Variants in C4orf50 observed in about 807,000 individuals in gnomAD.
The protein encoded by C4orf50 is chromosome 4 open reading frame 50.
Under a neutral mutation model 77.2 loss-of-function variants are expected in C4orf50, and 80 were observed. The ratio of observed to expected loss-of-function variants is 1.04; its 90% CI spans 0.87 to 1.25. The LOEUF (loss-of-function observed/expected upper bound fraction) is 1.25, where lower values mean the gene tolerates loss of function less well. C4orf50 is among the 50% of genes most tolerant of loss of function. The pLI is 0.00. For missense variants in C4orf50, 1,257 were observed against 1,152.9 expected, an observed-to-expected ratio of 1.09 and a Z score of -1.31; for synonymous variants, 532 against 465.3, an observed-to-expected ratio of 1.14 and a Z score of -1.84.
chr4:5,979,413 TAATTA>T (rs936215799), intron 29 of C4orf50, among the ~76,000 whole-genome samples: 4 of 152,214 alleles, frequency 2.6e-5, no homozygotes, highest in Admixed American at 6.5e-5. Flanking sequence ...ACAAGATTCT[TAATTA>T]AATGACAAAA....
Position 6,011,861 on chromosome 4 carries a change from A to G in C4orf50, c.395T>C (p.Leu132Pro), listed in dbSNP as rs1024151879. Residue 132 changes from leucine (L) to proline (P), a missense_variant, in exon 24 of 34, where the codon CTG becomes CCG. Transcript: ENST00000531445. The surrounding 1 kb of genome is among the most constrained non-coding windows in gnomAD (Gnocchi z 4.2). ...GGCCAGCTCCCCCTGCAGCGCCGCC[A>G]GCTTCTCCTGGGCCTGGAGCCAGGC... 2 of 399,068 alleles carry G rather than the reference A, an allele frequency of 5.0e-6. No homozygotes were observed. The highest frequency in any genetic ancestry group is 4.4e-6 in the Non-Finnish European group (1 of 226,082). The allele number at this position is 399,068 out of a possible 1,614,324, so 24.7% of individuals were successfully genotyped here.
intron 7 of C4orf50, among the ~76,000 whole-genome samples, chr4:5,950,285 G>A (rs891436144): frequency 2.0e-5 from 3 of 152,146 alleles, no homozygotes; most frequent in East Asian, 3.9e-4. Context: ...TGAAGGAGTC[G>A]TCATTTGTTT....
rs1319649736 is a variant in C4orf50, at chr4:5,970,497, T to G, written c.4105-3035A>C. Among the ~76,000 whole-genome samples the G allele has an allele frequency of 6.6e-6, 1 of 152,052 alleles. No homozygotes were observed. The highest frequency in any genetic ancestry group is 2.1e-4 in the South Asian group (1 of 4,818). Reference sequence around the variant, plus strand: ...CCAGGGCGGATACAAGGGTGACCCATGGACGCTAGTGACCCGGATGGCACA... The same window carrying G: ...CCAGGGCGGATACAAGGGTGACCCAGGGACGCTAGTGACCCGGATGGCACA... On this transcript the variant is annotated intron_variant, in intron 31 of 33. Transcript: ENST00000531445. This position sits in a 1 kb window ranked among gnomAD's most constrained non-coding sequence, Gnocchi z 4.3.
chr4:5,935,849 A>G lies in C4orf50; in HGVS notation c.*2474+21052T>C, dbSNP rs575453221. Among the ~76,000 whole-genome samples the G allele has an allele frequency of 2.8e-4, 43 of 151,456 alleles. No homozygotes were observed. In the South Asian group the frequency reaches 8.8e-3, roughly 31 times the overall value. On this transcript the variant is annotated intron_variant, in intron 7 of 7. Coordinates refer to the C4orf50 transcript ENST00000324058. ...ACATTACAAAACGCCCAAGAAAACA[A>G]TCCTTTATGAATGAAGACATAAGAT...
chr4:5,964,920 G>T, intron 33 of C4orf50, 104 bp downstream of exon 11: 1 of 1,064,402 alleles, frequency 9.4e-7, no homozygotes, highest in Non-Finnish European at 1.4e-6. Context: ...CCTGGTGGTG[G>T]CTTTCTGGGT....
intron 7 of C4orf50, among the ~76,000 whole-genome samples, chr4:5,914,294 T>C (rs1421700485): frequency 1.4e-5 from 2 of 138,750 alleles, no homozygotes; most frequent in Non-Finnish European, 3.0e-5. Flanking sequence ...AACCTCTGCC[T>C]CCCGGGTTCA....
chr4:5,943,906 C>T (rs920623088), intron 7 of C4orf50, among the ~76,000 whole-genome samples: 7 of 152,282 alleles, frequency 4.6e-5, no homozygotes, highest in African/African-American at 1.4e-4. Flanking sequence ...TATCTAGATA[C>T]AAAGATGGAT....
Position 5,916,085 on chromosome 4 carries a change from G to A in C4orf50, c.*2475-17897C>T, listed in dbSNP as rs2108733902. Among the ~76,000 whole-genome samples the A allele has an allele frequency of 6.6e-6, 1 of 152,260 alleles. No individual in the cohort carries two copies. Among genetic ancestry groups the A allele is most frequent in the Middle Eastern group, 3.4e-3 (1 of 294 alleles). On this transcript the variant is annotated intron_variant, in intron 7 of 7. Coordinates refer to the C4orf50 transcript ENST00000324058. This position sits in a 1 kb window ranked among gnomAD's most constrained non-coding sequence, Gnocchi z 4.4. ...AGGGATGGGTGTGCAGCTACCACAG[G>A]GGCAGAGCTCAGCTCCACACAGTAG...
intron 25 of C4orf50, among the ~76,000 whole-genome samples, chr4:5,997,825 TA>T (rs781624725): frequency 9.2e-5 from 14 of 152,264 alleles, no homozygotes; most frequent in Non-Finnish European, 1.9e-4. Context: ...TTTAATGATA[TA>T]GAAGGATCAT....
Position 5,970,564 on chromosome 4 carries a change from C to T in C4orf50, c.4104+3095G>A, listed in dbSNP as rs777876525. On this transcript the variant is annotated intron_variant, in intron 31 of 33. Transcript: ENST00000531445. This position sits in a 1 kb window ranked among gnomAD's most constrained non-coding sequence, Gnocchi z 4.3. ...CAGACAGCGGTGCTGGGACCCGTGG[C>T]CCCCAGCCCAACACCACATGCCTGC... 4.8e-4 allele frequency among the ~76,000 whole-genome samples: 73 copies of T among 152,166 alleles called. 1 individual carries two copies. The highest frequency in any genetic ancestry group is 1.5e-4 in the Non-Finnish European group (10 of 68,032).
rs1021772454 is a variant in C4orf50, at chr4:6,015,619, A to C, written c.287+2526T>G. Reference sequence around the variant, plus strand: ...TCGGGGTACCCTGGTCTCCTCCTGCAGCTGTAACACGTCACCACAAGCTTG... The same window carrying C: ...TCGGGGTACCCTGGTCTCCTCCTGCCGCTGTAACACGTCACCACAAGCTTG... On this transcript the variant is annotated intron_variant, in intron 23 of 33. Coordinates refer to ENST00000531445, the Ensembl canonical transcript of C4orf50. This position sits in a 1 kb window ranked among gnomAD's most constrained non-coding sequence, Gnocchi z 4.4. Among the ~76,000 whole-genome samples the C allele has an allele frequency of 7.9e-5, 12 of 151,868 alleles. No individual in the cohort carries two copies. The highest frequency in any genetic ancestry group is 2.7e-4 in the African/African-American group (11 of 41,322).
intron 33 of C4orf50, among the ~76,000 whole-genome samples, chr4:5,962,500 A>G (rs1023287939): frequency 6.6e-6 from 1 of 152,242 alleles, no homozygotes; most frequent in Admixed American, 6.5e-5. Flanking sequence ...GACAGCAGAC[A>G]TTAGAGGGTT....
intron 33 of C4orf50, among the ~76,000 whole-genome samples, chr4:5,962,110 G>A (rs889107392): frequency 1.3e-5 from 2 of 152,342 alleles, no homozygotes; most frequent in East Asian, 3.9e-4. Flanking sequence ...ACCAGGAGCA[G>A]GTGCCGTGTA....
chr4:5,925,107 G>C (rs1369272959), intron 7 of C4orf50, among the ~76,000 whole-genome samples: 1 of 152,136 alleles, frequency 6.6e-6, no homozygotes, highest in Non-Finnish European at 1.5e-5. Context: ...TGTTGGTCTG[G>C]GCCACTTGGG....
At chr4:5,982,430 G>A (rs1037339431) in intron 28 of C4orf50, among the ~76,000 whole-genome samples, 2 of 152,208 alleles carry the variant, frequency 1.3e-5, no homozygotes, top group African/African-American at 2.4e-5. Context: ...TGAGATGGGC[G>A]GTGGTGACGC....
intron 28 of C4orf50, among the ~76,000 whole-genome samples, chr4:5,987,109 T>C (rs144952230): frequency 6.6e-6 from 1 of 150,592 alleles, no homozygotes; most frequent in East Asian, 2.0e-4. Context: ...CAAAAGAAAG[T>C]GGGAGAAAGA....
Position 5,933,747 on chromosome 4 carries a change from GCC to G in C4orf50, c.*2474+23152_*2474+23153del, listed in dbSNP as rs139823138. Among the ~76,000 whole-genome samples, 1,090 of 152,264 alleles carry G rather than the reference GCC, an allele frequency of 7.2e-3. 10 individuals carry two copies. Among genetic ancestry groups the G allele is most frequent in the African/African-American group, 0.025 (1,038 of 41,552 alleles). ...GCTAGGCATAGCAAGGTCCCCTCTG[GCC>G]CAGACCCCCTTGAAGGACACTGTTC... On this transcript the variant is annotated intron_variant, in intron 7 of 7. Transcript: ENST00000324058.
chr4:5,961,575 G>C (rs1378635589), intron 33 of C4orf50, among the ~76,000 whole-genome samples: 1 of 152,190 alleles, frequency 6.6e-6, no homozygotes, highest in Non-Finnish European at 1.5e-5. Flanking sequence ...GAGAGGTGAA[G>C]TGCTGTGCCC....
At chr4:5,989,731 G>T in exon 28 of C4orf50, 1 of 1,535,374 alleles carries the variant, frequency 6.5e-7, no homozygotes, top group Non-Finnish European at 8.7e-7. Flanking sequence ...GGCAAATCTG[G>T]GAAACAGTGG....
Sources: gnomAD v4.1 joint callset for allele counts (sites outside exome capture counted in the v4.1 genomes callset) on GRCh38, gnomAD v4.1.1 for gene constraint, Gnocchi (gnomAD v3.1) non-coding constraint, MANE v1.5 for transcripts, NCBI Gene and HGNC (gene_info 2026-07-23, HGNC 2026-07-21) for gene names.